Variants in MYO16 observed in about 807,000 individuals in gnomAD.
The protein encoded by MYO16 is myosin XVI.
MYO16 carries 94 observed loss-of-function variants against 205.3 expected under a neutral mutation model. The observed-to-expected ratio is 0.46, with a 90% CI of 0.39 to 0.54. The LOEUF (loss-of-function observed/expected upper bound fraction) is 0.54. Among genes scored for constraint, MYO16 ranks in the 20% least tolerant of loss-of-function variants. The pLI is 0.00. For missense variants in MYO16, 2,315 were observed against 2,387.5 expected (o/e 0.97, Z 0.63); for synonymous variants, 988 against 954.0 (o/e 1.04, Z -0.66).
At chr13:108,962,290 G>T (rs976985209) in intron 18 of MYO16, 134 bp from the exon 19 acceptor site, 1 of 643,538 alleles carries the variant, frequency 1.6e-6, no homozygotes, top group Non-Finnish European at 2.7e-6. Context: ...CAATTACAGT[G>T]GTAATGACTT....
chr13:108,772,331 C>T (rs568351341), intron 4 of MYO16, among the ~76,000 whole-genome samples: 1 of 152,072 alleles, frequency 6.6e-6, no homozygotes, highest in African/African-American at 2.4e-5. Flanking sequence ...GCCTGGGCAA[C>T]AGAGCAAGAC....
At chr13:108,519,728 A>G in the MYO16 span, among the ~76,000 whole-genome samples, 12 of 152,078 alleles carry the variant, frequency 7.9e-5, no homozygotes, top group African/African-American at 1.4e-4. Context: ...TACAAAGGCT[A>G]TCTAAGCATT....
chr13:109,147,074 C>T (rs1390518482), intron 32 of MYO16, among the ~76,000 whole-genome samples: 1 of 151,884 alleles, frequency 6.6e-6, no homozygotes, highest in Non-Finnish European at 1.5e-5. Context: ...CGTCATTTTT[C>T]ACGACACAAA....
chr13:108,985,858 T>C (rs1172746150), intron 20 of MYO16, among the ~76,000 whole-genome samples: 1 of 152,232 alleles, frequency 6.6e-6, no homozygotes, highest in Non-Finnish European at 1.5e-5. Flanking sequence ...GCATACATTT[T>C]GTTTGTTTGT....
chr13:109,045,945 T>G lies in MYO16; in HGVS notation c.2797-971T>G, dbSNP rs187907883. On this transcript the variant is annotated intron_variant, in intron 23 of 34. Transcript: ENST00000457511. The stretch of plus-strand genomic sequence containing the variant: ...ATGTCCACAGGCATAACTCTTATAC[T>G]CCCGCATGGCCGAGGCACACTCTCC... 5.3e-4 allele frequency among the ~76,000 whole-genome samples: 80 copies of G among 151,860 alleles called. 1 individual carries two copies. The highest frequency in any genetic ancestry group is 1.9e-3 in the African/African-American group (77 of 41,244).
At chr13:108,932,387 G>GC (rs1882294269) in intron 16 of MYO16, among the ~76,000 whole-genome samples, 2 of 152,136 alleles carry the variant, frequency 1.3e-5, no homozygotes, top group South Asian at 2.1e-4. Context: ...GTGTGACTTG[G>GC]TATTCCTCAT....
At chr13:108,611,455 T>C (rs1456991156) in intron 1 of MYO16, among the ~76,000 whole-genome samples, 1 of 152,228 alleles carries the variant, frequency 6.6e-6, no homozygotes, top group Non-Finnish European at 1.5e-5. Flanking sequence ...ACAACTTTTA[T>C]GTTTTACCAT....
At chr13:108,532,818 T>C in the MYO16 span, among the ~76,000 whole-genome samples, 1 of 151,796 alleles carries the variant, frequency 6.6e-6, no homozygotes, top group Non-Finnish European at 1.5e-5. Flanking sequence ...CAAAATACAA[T>C]GTTTTAGAGA....
the MYO16 span, among the ~76,000 whole-genome samples, chr13:108,580,176 A>G: frequency 3.3e-5 from 5 of 152,254 alleles, no homozygotes; most frequent in African/African-American, 1.2e-4. Context: ...TTAAACAGGA[A>G]CATTTTGCTA....
At chr13:108,580,525 T>G in the MYO16 span, among the ~76,000 whole-genome samples, 1 of 152,250 alleles carries the variant, frequency 6.6e-6, no homozygotes, top group African/African-American at 2.4e-5. Context: ...TTTGGTTAAA[T>G]TTAAACTATA....
chr13:108,918,258 T>C (rs770668270), intron 16 of MYO16, among the ~76,000 whole-genome samples: 1 of 152,236 alleles, frequency 6.6e-6, no homozygotes, highest in Non-Finnish European at 1.5e-5. Context: ...AATATAAATA[T>C]ACCAAATACA....
intron 32 of MYO16, among the ~76,000 whole-genome samples, chr13:109,154,943 C>T (rs1242066543): frequency 2.0e-5 from 2 of 100,652 alleles, no homozygotes; most frequent in Non-Finnish European, 4.5e-5. Context: ...AAAAAGCTAC[C>T]CAAGTACAAG....
intron 14 of MYO16, among the ~76,000 whole-genome samples, chr13:108,894,953 C>G (rs187981392): frequency 1.3e-5 from 2 of 152,282 alleles, no homozygotes; most frequent in East Asian, 3.9e-4. Flanking sequence ...TACCTGGAAC[C>G]TTCACCAACT....
chr13:108,732,103 G>A (rs1056382912), intron 4 of MYO16, among the ~76,000 whole-genome samples: 3 of 152,138 alleles, frequency 2.0e-5, no homozygotes, highest in Non-Finnish European at 4.4e-5. Flanking sequence ...AACCTCAAAA[G>A]ATAAATGTAT....
At chr13:108,824,783 T>C (rs1876165388) in intron 9 of MYO16, among the ~76,000 whole-genome samples, 1 of 152,040 alleles carries the variant, frequency 6.6e-6, no homozygotes. Context: ...TTATGAACAA[T>C]TGTATACCAA....
chr13:108,600,910 GA>G (rs1488025696), intron 1 of MYO16, among the ~76,000 whole-genome samples: 1 of 151,898 alleles, frequency 6.6e-6, no homozygotes, highest in East Asian at 1.9e-4. Context: ...AGGTCTTATT[GA>G]AAATGGGCTT....
chr13:108,647,876 T>C (rs1056300229), intron 1 of MYO16, among the ~76,000 whole-genome samples: 13 of 152,228 alleles, frequency 8.5e-5, no homozygotes, highest in African/African-American at 2.4e-5. Flanking sequence ...ATTTGAATGA[T>C]TGAATACATT....
intron 10 of MYO16, among the ~76,000 whole-genome samples, chr13:108,846,401 C>T (rs1380463651): frequency 1.3e-5 from 2 of 151,976 alleles, no homozygotes; most frequent in East Asian, 3.9e-4. Context: ...CTTATGGGTG[C>T]TTTCTCTTGT....
chr13:109,067,311 A>G (rs1258721385), intron 27 of MYO16, among the ~76,000 whole-genome samples: 1 of 152,240 alleles, frequency 6.6e-6, no homozygotes, highest in African/African-American at 2.4e-5. Context: ...GGCAATGGGC[A>G]CTGCGCTAAG....
Sources: gnomAD v4.1 joint callset for allele counts (sites outside exome capture counted in the v4.1 genomes callset) on GRCh38, gnomAD v4.1.1 for gene constraint, MANE v1.5 for transcripts, NCBI Gene and HGNC (gene_info 2026-07-23, HGNC 2026-07-21) for gene names.